PIGL: variants seen among roughly 807,000 people sequenced by gnomAD.
The protein encoded by PIGL is N-acetylglucosaminyl-phosphatidylinositol de-N-acetylase.
Under a neutral mutation model 31.1 loss-of-function variants are expected in PIGL, and 22 were observed. The observed-to-expected ratio is 0.71, with a 90% CI of 0.51 to 1.01. The LOEUF is 1.01. Ranked by LOEUF, PIGL falls within the 50% of genes least tolerant of loss-of-function variation. The pLI is 0.00. For missense variants in PIGL, 302 were observed against 315.9 expected (o/e 0.96, Z 0.33); for synonymous variants, 131 against 117.4 (o/e 1.12, Z -0.75).
chr17:16,227,578 CTTTTTTTTTT>C (rs57452229), intron 1 of PIGL, among the ~76,000 whole-genome samples: 3 of 103,196 alleles, frequency 2.9e-5, no homozygotes, highest in Non-Finnish European at 5.6e-5. Context: ...ATTTTCTTTT[CTTTTTTTTTT>C]TTTTTTTTTG....
intron 2 of PIGL, among the ~76,000 whole-genome samples, chr17:16,285,356 G>A (rs1379628659): frequency 3.3e-5 from 5 of 152,160 alleles, no homozygotes; most frequent in Non-Finnish European, 5.9e-5. Context: ...GGAGGCCAAG[G>A]CAGGTGGATC....
chr17:16,272,952 G>A (rs8071289), intron 2 of PIGL, among the ~76,000 whole-genome samples: 7,460 of 152,296 alleles, frequency 0.049, 622 homozygotes, highest in African/African-American at 0.17. Flanking sequence ...CCAGGTTCAC[G>A]TGGAAGTTGG....
At chr17:16,289,335 T>C (rs549858016) in intron 2 of PIGL, among the ~76,000 whole-genome samples, 1 of 152,334 alleles carries the variant, frequency 6.6e-6, no homozygotes, top group East Asian at 1.9e-4. Flanking sequence ...CCTGATGCAA[T>C]CTCTAGTTAT....
intron 1 of PIGL, 92 bp downstream of exon 1, chr17:16,217,553 C>G (rs1331200649): frequency 2.0e-6 from 2 of 1,005,910 alleles, no homozygotes; most frequent in Non-Finnish European, 3.0e-6. Context: ...CGAAGTTTTC[C>G]GTAGGGAGCT....
chr17:16,248,115 T>C (rs1460373014), intron 2 of PIGL, among the ~76,000 whole-genome samples: 2 of 152,214 alleles, frequency 1.3e-5, no homozygotes, highest in Non-Finnish European at 2.9e-5. Context: ...CCTGAACTCC[T>C]GACCTCGTGA....
At chr17:16,219,133 C>T (rs965526442) in intron 1 of PIGL, among the ~76,000 whole-genome samples, 31 of 144,854 alleles carry the variant, frequency 2.1e-4, no homozygotes, top group African/African-American at 6.2e-4. Context: ...GTGGCGCAAT[C>T]TCGGCTCACT....
At chr17:16,295,631 G>A (rs2092978576) in intron 2 of PIGL, among the ~76,000 whole-genome samples, 1 of 151,870 alleles carries the variant, frequency 6.6e-6, no homozygotes, top group Admixed American at 6.6e-5. Context: ...GGGTGACAGA[G>A]CAAGACTCTG....
chr17:16,276,873 G>A (rs775921582), intron 2 of PIGL, among the ~76,000 whole-genome samples: 23 of 152,036 alleles, frequency 1.5e-4, no homozygotes, highest in Non-Finnish European at 3.4e-4. Flanking sequence ...TGTTATACTT[G>A]GCCTCATTAT....
At chr17:16,306,281 C>T (rs1301640055) in intron 3 of PIGL, among the ~76,000 whole-genome samples, 1 of 151,994 alleles carries the variant, frequency 6.6e-6, no homozygotes, top group Non-Finnish European at 1.5e-5. Flanking sequence ...TATTTCTTCA[C>T]TTAAACCTAG....
At position 16,325,932 on chromosome 17, in the gene PIGL, G is replaced by A. The variant is rs747392542; in HGVS notation, c.*34G>A. ...AGGGTTTTCAGATCCAAGGAACAAA[G>A]GGGAAAATAGACAAAGGAGTGCAGA... On this transcript the variant is annotated 3_prime_UTR_variant, in exon 7 of 7. Coordinates refer to ENST00000225609, the MANE Select transcript of PIGL (RefSeq NM_004278.4). The A allele has an allele frequency of 7.5e-6, 11 of 1,464,526 alleles. No individual in the cohort carries two copies. The Admixed American group carries it at 1.8e-4, about 25-fold the overall frequency. 90.7% of individuals were successfully genotyped at this position (1,464,526 alleles called of 1,614,324 possible). A position where few individuals can be genotyped will look rare whatever the true frequency, so the allele number is the denominator to read the frequency against.
At chr17:16,250,800 C>T (rs1167590777) in intron 2 of PIGL, among the ~76,000 whole-genome samples, 1 of 152,128 alleles carries the variant, frequency 6.6e-6, no homozygotes, top group Non-Finnish European at 1.5e-5. Flanking sequence ...GAGTAATTTG[C>T]TCAAGGTCAT....
intron 5 of PIGL, chr17:16,317,121 C>T: frequency 9.7e-7 from 1 of 1,030,630 alleles, no homozygotes; most frequent in Non-Finnish European, 1.2e-6. Flanking sequence ...TTTGACCCTA[C>T]CTGACCATTT....
chr17:16,306,306 C>T (rs1355497178), intron 3 of PIGL, among the ~76,000 whole-genome samples: 1 of 152,052 alleles, frequency 6.6e-6, no homozygotes, highest in African/African-American at 2.4e-5. Context: ...GAAAGTAGAG[C>T]TGGCATTACT....
At chr17:16,241,809 TAG>T (rs910101056) in intron 2 of PIGL, among the ~76,000 whole-genome samples, 11 of 152,200 alleles carry the variant, frequency 7.2e-5, no homozygotes, top group Non-Finnish European at 1.2e-4. Flanking sequence ...CTTTTTTTAC[TAG>T]AGAGTATTTT....
At chr17:16,313,465 C>G in intron 3 of PIGL, 82 bp from the exon 4 acceptor site, 1 of 1,010,860 alleles carries the variant, frequency 9.9e-7, no homozygotes, top group Non-Finnish European at 1.6e-6. Context: ...TCTGTTCTCT[C>G]CTTCCCAAGG....
At chr17:16,270,744 A>C (rs2092868039) in intron 2 of PIGL, among the ~76,000 whole-genome samples, 1 of 152,058 alleles carries the variant, frequency 6.6e-6, no homozygotes, top group Non-Finnish European at 1.5e-5. Context: ...TAAAAATACA[A>C]AAATTAGCCG....
chr17:16,301,549 A>G (rs965214408), intron 3 of PIGL, among the ~76,000 whole-genome samples: 5 of 146,782 alleles, frequency 3.4e-5, no homozygotes, highest in Admixed American at 1.4e-4. Flanking sequence ...GGCATGAGCT[A>G]CCACACCCAG....
intron 2 of PIGL, among the ~76,000 whole-genome samples, chr17:16,239,159 A>C (rs1323480822): frequency 1.3e-5 from 2 of 151,598 alleles, no homozygotes; most frequent in African/African-American, 4.8e-5. Flanking sequence ...ACATGGCAGA[A>C]CCCTGTCTCT....
intron 2 of PIGL, among the ~76,000 whole-genome samples, chr17:16,272,448 T>G (rs1351785599): frequency 1.3e-5 from 2 of 152,168 alleles, no homozygotes; most frequent in African/African-American, 4.8e-5. Context: ...TTGTTCAAGA[T>G]TCTCTCATCA....
Sources: allele counts gnomAD v4.1 joint callset (sites outside exome capture counted in the v4.1 genomes callset), GRCh38; gene constraint gnomAD v4.1.1; transcripts MANE v1.5; gene names NCBI Gene and HGNC (gene_info 2026-07-23, HGNC 2026-07-21).